Variants in TMED2 observed in about 807,000 individuals in gnomAD.
The protein encoded by TMED2 is transmembrane emp24 domain-containing protein 2.
Under a neutral mutation model 17.5 loss-of-function variants are expected in TMED2, and 3 were observed. The observed-to-expected ratio is 0.17, with a 90% CI of 0.08 to 0.44. TMED2 has a LOEUF of 0.44. Among genes scored for constraint, TMED2 ranks in the 20% least tolerant of loss-of-function variants. The pLI, the probability that TMED2 is intolerant of heterozygous loss-of-function variation, is 0.99. For missense variants in TMED2, 149 were observed against 254.8 expected (o/e 0.58, Z 2.83); for synonymous variants, 95 against 91.0 (o/e 1.04, Z -0.25).
intron 3 of TMED2, 117 bp from the exon 4 acceptor site, chr12:123,596,488 T>C (rs1195287002): frequency 1.5e-6 from 2 of 1,301,502 alleles, no homozygotes; most frequent in Non-Finnish European, 2.0e-6. Context: ...ACATCTATTC[T>C]ATGAGTGGTG....
chr12:123,584,860 C>G lies in TMED2; in HGVS notation c.180+44C>G, dbSNP rs762623338. The G allele has an allele frequency of 3.1e-6, 5 of 1,596,014 alleles. No individual in the cohort carries two copies. The African/African-American group carries it at 6.7e-5, about 21-fold the overall frequency. On this transcript the variant is annotated intron_variant, in intron 1 of 3. Coordinates refer to ENST00000262225, the MANE Select transcript of TMED2 (RefSeq NM_006815.4). ...CAGCTGAGGCTTGGTCGCGTGGCCA[C>G]TCGGGGATTGGTGGCACCTGGGACC...
chr12:123,589,608 T>C (rs1593638450), intron 2 of TMED2, among the ~76,000 whole-genome samples: 1 of 152,180 alleles, frequency 6.6e-6, no homozygotes, highest in Non-Finnish European at 1.5e-5. Context: ...GAGGTTTCTC[T>C]ACTGGGAAGG....
chr12:123,596,215 TA>T (rs1465342446), intron 3 of TMED2, among the ~76,000 whole-genome samples: 1 of 152,240 alleles, frequency 6.6e-6, no homozygotes, highest in African/African-American at 2.4e-5. Context: ...CAGTGTTCAC[TA>T]ACTTGATAAA....
chr12:123,596,501 C>A, intron 3 of TMED2, 104 bp from the exon 4 acceptor site: 2 of 1,418,082 alleles, frequency 1.4e-6, no homozygotes, highest in Non-Finnish European at 1.9e-6. Context: ...GAGTGGTGTA[C>A]ACAATATTAC....
rs1886297394 is a variant in TMED2, at chr12:123,584,562, CGGG to C, written c.-73_-71del. 17 of 1,423,786 alleles carry C rather than the reference CGGG, an allele frequency of 1.2e-5. No homozygotes were observed. In the East Asian group the frequency reaches 3.6e-4, roughly 30 times the overall value. The allele number at this position is 1,423,786 out of a possible 1,614,324, so 88.2% of individuals were successfully genotyped here. A position where few individuals can be genotyped will look rare whatever the true frequency, so the allele number is the denominator to read the frequency against. On this transcript the variant is annotated 5_prime_UTR_variant, in exon 1 of 4. Transcript: ENST00000262225. ...TAGGCGGCGGTGGCTGAGAAGGCAG[CGGG>C]GCGGCGGCGGCGGCGGCGGCGGCGG...
In TMED2 at chr12:123,584,588, C is replaced by G. The variant is rs753157812; in HGVS notation, c.-49C>G. ...GGGGCGGCGGCGGCGGCGGCGGCGG[C>G]GGCTGTGGAGGCCGCAGTCCGGGTC... is the stretch of plus-strand genomic sequence containing the variant. On this transcript the variant is annotated 5_prime_UTR_variant, in exon 1 of 4. Transcript: ENST00000262225. The G allele has an allele frequency of 6.4e-7, 1 of 1,573,502 alleles. No individual in the cohort carries two copies. Among genetic ancestry groups the G allele is most frequent in the Non-Finnish European group, 8.6e-7 (1 of 1,164,498 alleles).
chr12:123,584,869 T>G (rs1886309235), intron 1 of TMED2, 53 bp downstream of exon 1: 3 of 1,589,894 alleles, frequency 1.9e-6, no homozygotes, highest in Non-Finnish European at 2.6e-6. Flanking sequence ...ACTCGGGGAT[T>G]GGTGGCACCT....
At position 123,586,692 on chromosome 12, in the gene TMED2, A is replaced by AC. The variant is rs1443071269; in HGVS notation, c.181-55_181-54insC. ...CTTACTGCCATTAGACATTACTTAT[A>AC]AAGTCTATGACTTAATCTTTTGTGA... On this transcript the variant is annotated intron_variant, in intron 1 of 3. Coordinates refer to ENST00000262225, the MANE Select transcript of TMED2 (RefSeq NM_006815.4). The AC allele has an allele frequency of 2.0e-6, 3 of 1,471,870 alleles. No individual in the cohort carries two copies. In the African/African-American group the frequency reaches 4.5e-5, roughly 22 times the overall value. 91.2% of individuals were successfully genotyped at this position (1,471,870 alleles called of 1,614,324 possible).
chr12:123,595,772 C>T (rs1366046473), intron 3 of TMED2, among the ~76,000 whole-genome samples: 1 of 151,970 alleles, frequency 6.6e-6, no homozygotes, highest in African/African-American at 2.4e-5. Context: ...TTTTAAAAAT[C>T]TTTGCTTCTA....
chr12:123,590,606 CAT>C (rs372229264), intron 3 of TMED2, 157 bp downstream of exon 3: 218 of 497,990 alleles, frequency 4.4e-4, no homozygotes, highest in East Asian at 3.2e-3. Context: ...TGAGCATACA[CAT>C]GTGTGGAGCT....
intron 3 of TMED2, among the ~76,000 whole-genome samples, chr12:123,592,615 CATA>C (rs1282984491): frequency 1.3e-5 from 2 of 152,166 alleles, no homozygotes; most frequent in Admixed American, 6.6e-5. Flanking sequence ...AAATGGTTCC[CATA>C]ATGTTTTGTT....
Position 123,584,667 on chromosome 12 carries a change from C to T in TMED2, c.31C>T (p.Leu11=), listed in dbSNP as rs11551723. Reference sequence around the variant, plus strand: ...GACGCTTGCTGAACTGCTGGTGCTTCTGGCCGCTCTCCTGGCCACGGTCTC... The same window carrying T: ...GACGCTTGCTGAACTGCTGGTGCTTTTGGCCGCTCTCCTGGCCACGGTCTC... MVTLAELLVL[L]AALLATVSGY... Residue 11 remains leucine (L), a synonymous_variant, in exon 1 of 4, where the codon CTG becomes TTG. Transcript: ENST00000262225. 6,991 of 1,612,250 alleles carry T rather than the reference C, an allele frequency of 4.3e-3. 230 individuals are homozygous for T. In the East Asian group the frequency reaches 0.092, roughly 21 times the overall value.
intron 2 of TMED2, chr12:123,587,585 G>A (rs1269317667): frequency 7.8e-7 from 1 of 1,274,956 alleles, no homozygotes; most frequent in Admixed American, 2.5e-5. Flanking sequence ...TTCTTTTTGT[G>A]TTAAGATATC....
chr12:123,598,123 A>G lies in TMED2; in HGVS notation c.*1394A>G, dbSNP rs1953445123. 1.3e-5 allele frequency: 2 copies of G among 152,540 alleles called. No individual in the cohort carries two copies. Among genetic ancestry groups the G allele is most frequent in the Non-Finnish European group, 2.9e-5 (2 of 68,036 alleles). The allele number at this position is 152,540 out of a possible 1,614,324, so 9.4% of individuals were successfully genotyped here. On this transcript the variant is annotated 3_prime_UTR_variant, in exon 4 of 4. Coordinates refer to ENST00000262225, the MANE Select transcript of TMED2 (RefSeq NM_006815.4). ...AATATGCCCCAGGTTCGGTAAATAA[A>G]CAATTCTTTTTAAAAACAGTATTCT...
At chr12:123,584,964 C>G (rs967497693) in intron 1 of TMED2, 148 bp downstream of exon 1, 57 of 1,031,412 alleles carry the variant, frequency 5.5e-5, no homozygotes, top group Non-Finnish European at 6.3e-5. Context: ...ACCCCCCGCC[C>G]CGCCCCGGCC....
chr12:123,586,641 T>A lies in TMED2; in HGVS notation c.181-106T>A, dbSNP rs1953348108. On this transcript the variant is annotated intron_variant, in intron 1 of 3. Transcript: ENST00000262225. The stretch of plus-strand genomic sequence containing the variant: ...CTGTGATTACAGGCGTGAGCCACCA[T>A]GCCCAGCCATATTCTTGGTGAATTT... The A allele has an allele frequency of 1.6e-6, 2 of 1,214,474 alleles. 1 individual carries two copies. The highest frequency in any genetic ancestry group is 5.4e-5 in the East Asian group (2 of 37,270). The allele number at this position is 1,214,474 out of a possible 1,614,324, so 75.2% of individuals were successfully genotyped here. A position where few individuals can be genotyped will look rare whatever the true frequency, so the allele number is the denominator to read the frequency against.
intron 3 of TMED2, among the ~76,000 whole-genome samples, chr12:123,596,072 G>A (rs4930713): frequency 0.31 from 47,364 of 152,004 alleles, 7,768 homozygotes; most frequent in African/African-American, 0.39. Flanking sequence ...AGTATTTAGA[G>A]TATAGGTGAC....
chr12:123,590,152 G>A (rs918764607), intron 2 of TMED2, among the ~76,000 whole-genome samples, 190 bp from the exon 3 acceptor site: 1 of 151,982 alleles, frequency 6.6e-6, no homozygotes, highest in Non-Finnish European at 1.5e-5. Context: ...GTGTGGCAGC[G>A]TGTGCCTGTA....
chr12:123,589,539 T>G (rs1182860979), intron 2 of TMED2, among the ~76,000 whole-genome samples: 1 of 152,174 alleles, frequency 6.6e-6, no homozygotes, highest in African/African-American at 2.4e-5. Context: ...AGAAGAAATT[T>G]CCTGGGGTTG....
Sources: gnomAD v4.1 joint callset for allele counts (sites outside exome capture counted in the v4.1 genomes callset) on GRCh38, gnomAD v4.1.1 for gene constraint, MANE v1.5 for transcripts, NCBI Gene and HGNC (gene_info 2026-07-23, HGNC 2026-07-21) for gene names.